The following NUP205 variants were observed in gnomAD, a reference collection of about 807,000 sequenced individuals.
NUP205 encodes the protein nucleoporin 205.
In NUP205, 76 loss-of-function variants were observed where a neutral mutation model predicts 253.8. The ratio of observed to expected loss-of-function variants is 0.30; its 90% CI spans 0.25 to 0.36. The LOEUF (loss-of-function observed/expected upper bound fraction) is 0.36, where lower values mean the gene tolerates loss of function less well. Among genes scored for constraint, NUP205 ranks in the 10% least tolerant of loss-of-function variants. The pLI is 1.00. For synonymous variants in NUP205, 832 were observed against 850.1 expected (o/e 0.98, Z 0.37); for missense variants, 2,162 against 2,425.5 (o/e 0.89, Z 2.28).
chr7:135,587,375 A>C (rs903159022), intron 8 of NUP205, among the ~76,000 whole-genome samples, 200 bp from the exon 9 acceptor site: 1 of 152,206 alleles, frequency 6.6e-6, no homozygotes, highest in African/African-American at 2.4e-5. Flanking sequence ...AATGCATTCA[A>C]GTTTTAAGAT....
chr7:135,585,198 T>C (rs1028252477), intron 8 of NUP205, among the ~76,000 whole-genome samples, 191 bp downstream of exon 8: 1 of 152,154 alleles, frequency 6.6e-6, no homozygotes, highest in South Asian at 2.1e-4. Flanking sequence ...CTACAAGATA[T>C]GAGAACATAC....
At position 135,601,358 on chromosome 7, in the gene NUP205, T is replaced by C. The variant is rs1401551113; in HGVS notation, c.2375-12T>C. ...ACCCATCATCTCTTGGAATATGTTA[T>C]GTTCTATTTAGGAGAAGAAATCATA... On this transcript the variant is annotated splice_polypyrimidine_tract_variant and intron_variant, in intron 16 of 42. Coordinates refer to ENST00000285968, the MANE Select transcript of NUP205 (RefSeq NM_015135.3). The C allele has an allele frequency of 6.2e-7, 1 of 1,608,198 alleles. No individual in the cohort carries two copies. The highest frequency in any genetic ancestry group is 2.2e-5 in the East Asian group (1 of 44,810).
intron 36 of NUP205, among the ~76,000 whole-genome samples, chr7:135,637,353 A>C (rs1387560213): frequency 1.3e-5 from 2 of 152,230 alleles, no homozygotes; most frequent in Admixed American, 1.3e-4. Flanking sequence ...CCAATATTGA[A>C]AAGCTTGTCC....
intron 1 of NUP205, among the ~76,000 whole-genome samples, chr7:135,566,652 G>A (rs1170502040): frequency 6.6e-6 from 1 of 152,078 alleles, no homozygotes; most frequent in African/African-American, 2.4e-5. Context: ...GATTAGTTTA[G>A]GCTCTTTCTT....
rs776780170 is a variant in NUP205, at chr7:135,607,264, C to T, written c.3088C>T (p.Arg1030Trp). 9.3e-6 allele frequency: 15 copies of T among 1,613,858 alleles called. No homozygotes were observed. The highest frequency in any genetic ancestry group is 2.7e-5 in the African/African-American group (2 of 74,928). Residue 1030 changes from arginine (R) to tryptophan (W), a missense_variant, in exon 22 of 43, where the codon CGG becomes TGG. Physicochemically the swap from Arg to Trp is moderately radical, Grantham distance 101 (BLOSUM62 -3). This residue lies in a region of NUP205 where 1,144 missense variants were observed against 1,280.9 expected (regional missense o/e 0.89). Transcript: ENST00000285968. The part of the protein sequence containing the change: ...LQDPGVLGCP[R>W]TCLHAILNIL... ...TCATGCAGGAGTGTTAGGTTGCCCT[C>T]GGACATGCCTTCACGCCATTCTAAA...
At chr7:135,570,040 TATATATATATATAGAGAGAG>T (rs1805901176) in intron 1 of NUP205, among the ~76,000 whole-genome samples, 2 of 97,030 alleles carry the variant, frequency 2.1e-5, no homozygotes, top group South Asian at 7.5e-4. Flanking sequence ...TATATATATA[TATATATATATATAGAGAGAG>T]AGAGAGAGAG....
intron 2 of NUP205, 28 bp from the exon 3 acceptor site, chr7:135,573,626 C>A: frequency 1.3e-6 from 2 of 1,591,648 alleles, no homozygotes; most frequent in Non-Finnish European, 1.7e-6. Flanking sequence ...GTGCTATTTT[C>A]ATAACAATTA....
At chr7:135,601,230 C>T in intron 16 of NUP205, 140 bp from the exon 17 acceptor site, 1 of 751,416 alleles carries the variant, frequency 1.3e-6, no homozygotes, top group African/African-American at 1.8e-5. Flanking sequence ...AGGAGAATTA[C>T]TGCTGTGTCT....
At chr7:135,622,969 G>A (rs747164823) in intron 31 of NUP205, 44 bp downstream of exon 31, 18 of 1,585,202 alleles carry the variant, frequency 1.1e-5, no homozygotes, top group Non-Finnish European at 1.6e-5. Flanking sequence ...TAAGTATTTT[G>A]ACTTATTAAG....
intron 22 of NUP205, among the ~76,000 whole-genome samples, chr7:135,610,291 G>C (rs1794195285): frequency 6.6e-6 from 1 of 152,184 alleles, no homozygotes; most frequent in Non-Finnish European, 1.5e-5. Flanking sequence ...CACGATCTCA[G>C]CTCACCGCAA....
chr7:135,594,503 CTT>C (rs778771884), intron 12 of NUP205, 42 bp from the exon 13 acceptor site: 2 of 1,466,562 alleles, frequency 1.4e-6, no homozygotes, highest in Non-Finnish European at 1.9e-6. Flanking sequence ...ATTTTAATAA[CTT>C]TTAAAAATGG....
intron 1 of NUP205, among the ~76,000 whole-genome samples, chr7:135,562,576 T>C (rs1332413560): frequency 8.2e-6 from 1 of 122,420 alleles, no homozygotes; most frequent in Admixed American, 9.8e-5. Context: ...TGAGACAGAG[T>C]CTGGCTCTGT....
chr7:135,625,644 C>T (rs1264760286), intron 32 of NUP205, among the ~76,000 whole-genome samples: 1 of 152,160 alleles, frequency 6.6e-6, no homozygotes, highest in Admixed American at 6.5e-5. Flanking sequence ...AAATTGTCCT[C>T]TCACAATACA....
chr7:135,576,190 A>G, intron 3 of NUP205, 80 bp from the exon 4 acceptor site: 1 of 1,249,778 alleles, frequency 8.0e-7, no homozygotes, highest in East Asian at 2.4e-5. Context: ...TTTGAACTGA[A>G]CATTGTTATA....
At chr7:135,559,033 C>T (rs1805509013) in intron 1 of NUP205, among the ~76,000 whole-genome samples, 1 of 152,200 alleles carries the variant, frequency 6.6e-6, no homozygotes, top group Admixed American at 6.5e-5. Context: ...CCCAGCATTG[C>T]ACTTATTATC....
At chr7:135,618,167 G>A (rs1026431386) in intron 27 of NUP205, among the ~76,000 whole-genome samples, 14 of 152,066 alleles carry the variant, frequency 9.2e-5, no homozygotes, top group Middle Eastern at 3.2e-3. Context: ...GGAGAAAGAA[G>A]ATGGTGTCAA....
intron 9 of NUP205, 67 bp from the exon 10 acceptor site, chr7:135,587,787 CT>C (rs35616673): frequency 1.6e-5 from 25 of 1,523,804 alleles, no homozygotes; most frequent in Admixed American, 6.4e-5. Flanking sequence ...TTTAAATGTC[CT>C]TTTTTTTATT....
At chr7:135,562,450 G>A (rs563745298) in intron 1 of NUP205, among the ~76,000 whole-genome samples, 22 of 151,804 alleles carry the variant, frequency 1.4e-4, no homozygotes, top group African/African-American at 4.8e-4. Context: ...CACCTGCCTC[G>A]GCCTCCCAAA....
intron 14 of NUP205, 30 bp downstream of exon 14, chr7:135,597,448 A>G: frequency 7.3e-7 from 1 of 1,368,010 alleles, no homozygotes; most frequent in Non-Finnish European, 1.0e-6. Flanking sequence ...TTAAATGTTA[A>G]TTCATTCATG....
Sources: allele counts gnomAD v4.1 joint callset (sites outside exome capture counted in the v4.1 genomes callset), GRCh38; gene constraint gnomAD v4.1.1; regional missense constraint gnomAD v4.1.1; transcripts MANE v1.5; gene names NCBI Gene and HGNC (gene_info 2026-07-23, HGNC 2026-07-21).